The following ORC5 variants were observed in gnomAD, a reference collection of about 807,000 sequenced individuals.
ORC5 encodes origin recognition complex subunit 5.
In ORC5, 39 loss-of-function variants were observed where a neutral mutation model predicts 58.8. That is an observed-to-expected ratio of 0.66 (90% confidence interval 0.51 to 0.87). The LOEUF (loss-of-function observed/expected upper bound fraction) is 0.87, where lower values mean the gene tolerates loss of function less well. Among genes scored for constraint, ORC5 ranks in the 40% least tolerant of loss-of-function variants. The pLI is 0.00. For missense variants in ORC5, 493 were observed against 506.3 expected (o/e 0.97, Z 0.25); for synonymous variants, 218 against 177.6 (o/e 1.23, Z -1.81).
intron 12 of ORC5, among the ~76,000 whole-genome samples, chr7:104,148,709 C>T (rs142118668): frequency 1.2e-4 from 18 of 152,204 alleles, no homozygotes; most frequent in Non-Finnish European, 2.1e-4. Context: ...TTACATTAGA[C>T]ATTAAATTGC....
At chr7:104,204,105 A>C (rs1340091635) in intron 2 of ORC5, 37 bp downstream of exon 2, 1 of 1,214,654 alleles carries the variant, frequency 8.2e-7, no homozygotes, top group Non-Finnish European at 1.2e-6. Flanking sequence ...TTATACACTA[A>C]AAATGGCAAA....
rs1294384682 is a variant in ORC5, at chr7:104,136,325, T to C, written c.1262+456A>G. 2.0e-5 allele frequency among the ~76,000 whole-genome samples: 3 copies of C among 152,018 alleles called. No homozygotes were observed. The highest frequency in any genetic ancestry group is 7.2e-5 in the African/African-American group (3 of 41,384). On this transcript the variant is annotated intron_variant, in intron 13 of 13. Transcript: ENST00000297431. This position sits in a 1 kb window ranked among gnomAD's most constrained non-coding sequence, Gnocchi z 4.2. Reference sequence around the variant, plus strand: ...TCTAAACACAGCACAGCACACTAGATTTGATCTGCCTGTGACAACGCACAG... The same window carrying C: ...TCTAAACACAGCACAGCACACTAGACTTGATCTGCCTGTGACAACGCACAG...
At chr7:104,128,144 A>T (rs1271161846) in intron 13 of ORC5, among the ~76,000 whole-genome samples, 1 of 152,200 alleles carries the variant, frequency 6.6e-6, no homozygotes, top group Non-Finnish European at 1.5e-5. Context: ...TTGTTTTGAG[A>T]TGGAGTCTTG....
At chr7:104,188,118 T>C (rs1454692665) in intron 6 of ORC5, 133 bp downstream of exon 6, 1 of 961,352 alleles carries the variant, frequency 1.0e-6, no homozygotes, top group Non-Finnish European at 1.4e-6. Flanking sequence ...ATTCCCAGAA[T>C]AAAATTTCAG....
At chr7:104,189,913 T>G (rs1364394224) in intron 5 of ORC5, among the ~76,000 whole-genome samples, 1 of 152,176 alleles carries the variant, frequency 6.6e-6, no homozygotes, top group African/African-American at 2.4e-5. Flanking sequence ...ACCTGGGACT[T>G]AGAATGGTGT....
chr7:104,147,592 A>G (rs1798777428), intron 12 of ORC5, among the ~76,000 whole-genome samples: 1 of 152,206 alleles, frequency 6.6e-6, no homozygotes, highest in South Asian at 2.1e-4. Context: ...GAGACATCAT[A>G]AAAGGACAAT....
At chr7:104,137,588 GAGAT>G (rs1211145724) in intron 12 of ORC5, among the ~76,000 whole-genome samples, 1 of 152,114 alleles carries the variant, frequency 6.6e-6, no homozygotes, top group Non-Finnish European at 1.5e-5. Flanking sequence ...CTAGCAGGTA[GAGAT>G]ACAAGTGGCT....
rs1798540577 is a variant in ORC5, at chr7:104,133,219, A to T, written c.1262+3562T>A. On this transcript the variant is annotated intron_variant, in intron 13 of 13. Transcript: ENST00000297431. This position sits in a 1 kb window ranked among gnomAD's most constrained non-coding sequence, Gnocchi z 4.7. ...CATTCTGGCTACAGCATGGATAATAAATTATAAGAGGATAAGAGCAGACAG... is the reference window on the plus strand; with the variant it reads ...CATTCTGGCTACAGCATGGATAATATATTATAAGAGGATAAGAGCAGACAG... Among the ~76,000 whole-genome samples, 1 of 152,186 alleles carries T rather than the reference A, an allele frequency of 6.6e-6. No individual in the cohort carries two copies.
intron 10 of ORC5, chr7:104,165,532 A>G: frequency 3.1e-6 from 1 of 327,034 alleles, no homozygotes; most frequent in Non-Finnish European, 5.5e-6. Context: ...AAATAATGAC[A>G]TTTCCTAAAA....
rs985128031 is a variant in ORC5, at chr7:104,129,212, C to T, written c.1263-2319G>A. ...TATTTTTTGAGAAATCTGTTTGTTA[C>T]TATAGCATTAGAATAGTTTGTACAA... On this transcript the variant is annotated intron_variant, in intron 13 of 13. Coordinates refer to ENST00000297431, the MANE Select transcript of ORC5 (RefSeq NM_002553.4). The surrounding 1 kb of genome is among the most constrained non-coding windows in gnomAD (Gnocchi z 4.9). 5.9e-5 allele frequency among the ~76,000 whole-genome samples: 9 copies of T among 152,050 alleles called. No homozygotes were observed. The highest frequency in any genetic ancestry group is 1.2e-4 in the Non-Finnish European group (8 of 68,000).
intron 8 of ORC5, among the ~76,000 whole-genome samples, chr7:104,177,795 G>A (rs967662735): frequency 6.6e-6 from 1 of 152,094 alleles, no homozygotes; most frequent in African/African-American, 2.4e-5. Flanking sequence ...ATTGTTCAAC[G>A]TCCACTTAGA....
At position 104,136,638 on chromosome 7, in the gene ORC5, T is replaced by A. The variant is rs1282940290; in HGVS notation, c.1262+143A>T. 1 of 538,962 alleles carries A rather than the reference T, an allele frequency of 1.9e-6. No individual in the cohort carries two copies. The highest frequency in any genetic ancestry group is 1.9e-5 in the African/African-American group (1 of 52,802). The allele number at this position is 538,962 out of a possible 1,614,324, so 33.4% of individuals were successfully genotyped here. A position where few individuals can be genotyped will look rare whatever the true frequency, so the allele number is the denominator to read the frequency against. On this transcript the variant is annotated intron_variant, in intron 13 of 13. Coordinates refer to ENST00000297431, the MANE Select transcript of ORC5 (RefSeq NM_002553.4). The surrounding 1 kb of genome is among the most constrained non-coding windows in gnomAD (Gnocchi z 4.2). ...TACATCATTTGTAAATTTGAGAAGGTTCATTCTATCGTACAGCTTATTCAT... is the reference window on the plus strand; with the variant it reads ...TACATCATTTGTAAATTTGAGAAGGATCATTCTATCGTACAGCTTATTCAT...
At chr7:104,157,283 C>T (rs1798942213) in intron 12 of ORC5, among the ~76,000 whole-genome samples, 1 of 151,942 alleles carries the variant, frequency 6.6e-6, no homozygotes, top group Admixed American at 6.6e-5. Flanking sequence ...TAAAGATCAA[C>T]TCCTTAGAAC....
At chr7:104,162,895 C>T (rs1799046704) in intron 11 of ORC5, among the ~76,000 whole-genome samples, 1 of 152,148 alleles carries the variant, frequency 6.6e-6, no homozygotes, top group South Asian at 2.1e-4. Context: ...GCATATGTAT[C>T]CACAAACAAT....
intron 7 of ORC5, 28 bp from the exon 8 acceptor site, chr7:104,184,061 A>G (rs1584511510): frequency 1.3e-6 from 2 of 1,596,080 alleles, no homozygotes; most frequent in African/African-American, 1.3e-5. Flanking sequence ...AAATTTCAGT[A>G]ATTTATATCT....
chr7:104,174,988 A>G (rs1350719893), intron 8 of ORC5, among the ~76,000 whole-genome samples: 1 of 152,182 alleles, frequency 6.6e-6, no homozygotes, highest in Non-Finnish European at 1.5e-5. Flanking sequence ...ACTCTAAGTA[A>G]AAGGTCAATG....
intron 6 of ORC5, chr7:104,187,814 C>T: frequency 1.4e-5 from 14 of 986,106 alleles, no homozygotes; most frequent in Non-Finnish European, 1.7e-5. Flanking sequence ...TCTGACCATA[C>T]TCAAATCCAT....
chr7:104,131,878 GA>G (rs990386980), intron 13 of ORC5, among the ~76,000 whole-genome samples: 2 of 148,140 alleles, frequency 1.4e-5, no homozygotes, highest in African/African-American at 2.5e-5. Flanking sequence ...AAAGAAAAAA[GA>G]AAAAAAAATA....
intron 8 of ORC5, among the ~76,000 whole-genome samples, chr7:104,170,290 T>C (rs1799188088): frequency 6.6e-6 from 1 of 152,202 alleles, no homozygotes; most frequent in South Asian, 2.1e-4. Flanking sequence ...CCTCCAAAGA[T>C]ACCAAAGTCC....
Sources: gnomAD v4.1 joint callset for allele counts (sites outside exome capture counted in the v4.1 genomes callset) on GRCh38, gnomAD v4.1.1 for gene constraint, Gnocchi (gnomAD v3.1) non-coding constraint, MANE v1.5 for transcripts, NCBI Gene and HGNC (gene_info 2026-07-23, HGNC 2026-07-21) for gene names.